The following GALNTL6 variants were observed in gnomAD, a reference collection of about 807,000 sequenced individuals.
The protein encoded by GALNTL6 is polypeptide N-acetylgalactosaminyltransferase like 6.
In GALNTL6, 46 loss-of-function variants were observed where a neutral mutation model predicts 73.7. That is an observed-to-expected ratio of 0.62 (90% confidence interval 0.49 to 0.80). The LOEUF (loss-of-function observed/expected upper bound fraction) is 0.80. GALNTL6 is among the 30% of genes least tolerant of loss of function. The pLI, the probability that GALNTL6 is intolerant of heterozygous loss-of-function variation, is 0.00. For synonymous variants in GALNTL6, 259 were observed against 263.7 expected (o/e 0.98, Z 0.17); for missense variants, 604 against 755.0 (o/e 0.80, Z 2.34).
intron 10 of GALNTL6, among the ~76,000 whole-genome samples, chr4:172,974,043 GA>G (rs1279399785): frequency 6.6e-6 from 1 of 152,152 alleles, no homozygotes; most frequent in African/African-American, 2.4e-5. Flanking sequence ...ATAACTATAA[GA>G]AAGACAAAGT....
At chr4:172,767,858 C>T (rs1012144098) in intron 5 of GALNTL6, among the ~76,000 whole-genome samples, 7 of 151,676 alleles carry the variant, frequency 4.6e-5, no homozygotes, top group African/African-American at 7.3e-5. Context: ...TTAGTATAGA[C>T]GGGGTTTCAC....
At chr4:171,843,112 A>G (rs145088596) in intron 2 of GALNTL6, among the ~76,000 whole-genome samples, 2 of 152,138 alleles carry the variant, frequency 1.3e-5, no homozygotes, top group African/African-American at 4.8e-5. Flanking sequence ...TGCTAGAATG[A>G]TGGAATAATA....
At chr4:172,716,522 G>A (rs10025284) in intron 5 of GALNTL6, among the ~76,000 whole-genome samples, 6,955 of 151,976 alleles carry the variant, frequency 0.046, 294 homozygotes, top group African/African-American at 0.11. Flanking sequence ...ATTCCCAGTC[G>A]CTCCCTTGGG....
chr4:172,395,890 GA>G (rs1488400972), intron 5 of GALNTL6, among the ~76,000 whole-genome samples: 1 of 152,104 alleles, frequency 6.6e-6, no homozygotes. Context: ...TCCCTGAGGA[GA>G]AAAATGAGTC....
At chr4:171,957,014 G>A (rs1186530518) in intron 2 of GALNTL6, among the ~76,000 whole-genome samples, 1 of 152,176 alleles carries the variant, frequency 6.6e-6, no homozygotes, top group African/African-American at 2.4e-5. Flanking sequence ...CATCGTCCCA[G>A]CTCAGGACTT....
At chr4:172,514,195 A>C (rs371656751) in intron 5 of GALNTL6, among the ~76,000 whole-genome samples, 2 of 152,174 alleles carry the variant, frequency 1.3e-5, no homozygotes, top group Admixed American at 6.5e-5. Context: ...GTCTTCTACT[A>C]TCAGGGTGGG....
intron 7 of GALNTL6, among the ~76,000 whole-genome samples, chr4:172,827,176 G>A (rs6841423): frequency 0.26 from 40,017 of 152,072 alleles, 7,118 homozygotes; most frequent in African/African-American, 0.5. Context: ...ATCTGGCTAA[G>A]GACTAGTCCA....
At chr4:172,546,288 A>G (rs1735746717) in intron 5 of GALNTL6, among the ~76,000 whole-genome samples, 2 of 152,248 alleles carry the variant, frequency 1.3e-5, no homozygotes, top group South Asian at 2.1e-4. Flanking sequence ...AACAACTTTT[A>G]TTGAGGTCCT....
intron 5 of GALNTL6, among the ~76,000 whole-genome samples, chr4:172,364,099 T>G (rs1011801743): frequency 6.6e-6 from 1 of 152,130 alleles, no homozygotes; most frequent in Non-Finnish European, 1.5e-5. Flanking sequence ...GAGAAAAAAA[T>G]TTCAATAAAG....
intron 2 of GALNTL6, among the ~76,000 whole-genome samples, chr4:171,926,700 C>A (rs78338422): frequency 6.6e-6 from 1 of 151,996 alleles, no homozygotes; most frequent in Non-Finnish European, 1.5e-5. Context: ...ATTTACTTTG[C>A]GACACAGTAC....
chr4:172,714,678 T>A (rs1211327760), intron 5 of GALNTL6, among the ~76,000 whole-genome samples: 1 of 152,196 alleles, frequency 6.6e-6, no homozygotes, highest in East Asian at 1.9e-4. Flanking sequence ...AGGGTACATG[T>A]GCAGAACCTT....
At chr4:173,000,507 A>G (rs542760483) in intron 10 of GALNTL6, among the ~76,000 whole-genome samples, 6 of 152,356 alleles carry the variant, frequency 3.9e-5, no homozygotes, top group African/African-American at 1.4e-4. Context: ...ATTAGATGCA[A>G]TCTATCAAAA....
At chr4:172,912,957 C>T (rs1458038238) in intron 8 of GALNTL6, among the ~76,000 whole-genome samples, 1 of 152,200 alleles carries the variant, frequency 6.6e-6, no homozygotes, top group Non-Finnish European at 1.5e-5. Context: ...AACTGGGAGA[C>T]ACCTCCCAGT....
intron 2 of GALNTL6, among the ~76,000 whole-genome samples, chr4:171,915,178 T>C (rs1737583726): frequency 6.6e-6 from 1 of 152,204 alleles, no homozygotes; most frequent in African/African-American, 2.4e-5. Flanking sequence ...CTGTAATTTA[T>C]TGAATGGCAC....
chr4:172,103,843 A>C (rs1732592749), intron 2 of GALNTL6, among the ~76,000 whole-genome samples: 2 of 152,232 alleles, frequency 1.3e-5, no homozygotes, highest in Admixed American at 1.3e-4. Flanking sequence ...AGTTGGCATT[A>C]GCCTGATCCC....
intron 5 of GALNTL6, among the ~76,000 whole-genome samples, chr4:172,378,317 G>C (rs981322066): frequency 2.0e-5 from 3 of 152,144 alleles, no homozygotes; most frequent in Non-Finnish European, 2.9e-5. Flanking sequence ...AAGGAAAAAG[G>C]ACCTTGCTTC....
intron 3 of GALNTL6, among the ~76,000 whole-genome samples, chr4:172,252,898 A>C (rs931300006): frequency 6.6e-6 from 1 of 151,978 alleles, no homozygotes; most frequent in Non-Finnish European, 1.5e-5. Context: ...GGAAAAAAAA[A>C]CACTAAATAA....
chr4:172,129,538 A>G (rs546738508), intron 2 of GALNTL6, among the ~76,000 whole-genome samples: 1 of 152,322 alleles, frequency 6.6e-6, no homozygotes, highest in Non-Finnish European at 1.5e-5. Context: ...TCAGAACATG[A>G]TCAGAAACAA....
chr4:172,464,544 C>T (rs1413210827), intron 5 of GALNTL6, among the ~76,000 whole-genome samples: 1 of 151,820 alleles, frequency 6.6e-6, no homozygotes, highest in Non-Finnish European at 1.5e-5. Flanking sequence ...CTTGTCTCTA[C>T]TAAAAATACA....
Sources: gnomAD v4.1 joint callset for allele counts (sites outside exome capture counted in the v4.1 genomes callset) on GRCh38, gnomAD v4.1.1 for gene constraint, MANE v1.5 for transcripts, NCBI Gene and HGNC (gene_info 2026-07-23, HGNC 2026-07-21) for gene names.